ARHGAP32: variants seen among roughly 807,000 people sequenced by gnomAD.
The protein encoded by ARHGAP32 is Rho GTPase activating protein 32, also known as rho GTPase-activating protein 32.
In ARHGAP32, 51 loss-of-function variants were observed where a neutral mutation model predicts 186.5. That is an observed-to-expected ratio of 0.27 (90% CI 0.22 to 0.35). The LOEUF (loss-of-function observed/expected upper bound fraction) is 0.35, where lower values mean the gene tolerates loss of function less well. Among genes scored for constraint, ARHGAP32 ranks in the 10% least tolerant of loss-of-function variants. ARHGAP32 has a pLI of 1.00. For missense variants in ARHGAP32, 2,186 were observed against 2,623.5 expected (o/e 0.83, Z 3.64); for synonymous variants, 950 against 964.3 (o/e 0.99, Z 0.27).
intron 2 of ARHGAP32, among the ~76,000 whole-genome samples, chr11:129,133,125 G>A (rs184145072): frequency 2.4e-4 from 37 of 152,312 alleles, no homozygotes; most frequent in Middle Eastern, 3.4e-3. Flanking sequence ...GCCGGTGGAA[G>A]AGTAAGCAGG....
chr11:129,043,384 T>TTC (rs1939678347), intron 10 of ARHGAP32, among the ~76,000 whole-genome samples: 5 of 136,602 alleles, frequency 3.7e-5, no homozygotes, highest in African/African-American at 1.5e-4. Context: ...TTTTTTTCTT[T>TTC]TTTTTTTTTT....
At chr11:128,971,386 T>A (rs1945368673) in intron 22 of ARHGAP32, 2 of 482,496 alleles carry the variant, frequency 4.1e-6, no homozygotes, top group Non-Finnish European at 7.3e-6. Context: ...GTTTTCTAAT[T>A]TATGAGAGGT....
chr11:129,143,426 T>C (rs1056157434), intron 2 of ARHGAP32, among the ~76,000 whole-genome samples: 1 of 152,136 alleles, frequency 6.6e-6, no homozygotes, highest in Non-Finnish European at 1.5e-5. Context: ...TTCTGAGTAA[T>C]GTGATGAAAT....
At chr11:129,138,804 G>A (rs1942989800) in intron 2 of ARHGAP32, among the ~76,000 whole-genome samples, 1 of 152,058 alleles carries the variant, frequency 6.6e-6, no homozygotes, top group Non-Finnish European at 1.5e-5. Context: ...TTTTAACTAA[G>A]AAAACAAAAT....
Position 129,063,930 on chromosome 11 carries a change from G to A in ARHGAP32, c.857C>T (p.Ala286Val), listed in dbSNP as rs1300810620. ...GAAHVIKRYTARAPDELTLEV... is the reference protein window; with the variant it reads ...GAAHVIKRYTVRAPDELTLEV... The stretch of plus-strand genomic sequence containing the variant: ...TAAGGTCAGTTCGTCAGGGGCCCGA[G>A]CAGTGTACCTCTTGATAACATGGGC... Residue 286 changes from alanine (A) to valine (V), a missense_variant, in exon 9 of 23, where the codon GCT becomes GTT. By Grantham distance (64) the Ala-to-Val change is moderately conservative (BLOSUM62 0). Transcript: ENST00000682385. 2 of 1,611,882 alleles carry A rather than the reference G, an allele frequency of 1.2e-6. No homozygotes were observed. The highest frequency in any genetic ancestry group is 1.7e-6 in the Non-Finnish European group (2 of 1,179,082).
intron 1 of ARHGAP32, among the ~76,000 whole-genome samples, chr11:129,166,240 G>A (rs1320841274): frequency 2.6e-5 from 4 of 151,774 alleles, no homozygotes; most frequent in Admixed American, 6.6e-5. Flanking sequence ...ATAGTATAAA[G>A]GATGAGAGAC....
At chr11:128,973,955 T>C in intron 21 of ARHGAP32, 169 bp downstream of exon 21, 16 of 761,074 alleles carry the variant, frequency 2.1e-5, no homozygotes, top group Non-Finnish European at 3.1e-5. Context: ...GGGAGTTTTG[T>C]TGGACTGCTT....
intron 1 of ARHGAP32, among the ~76,000 whole-genome samples, chr11:129,252,135 T>TG (rs1477960386): frequency 6.6e-6 from 1 of 152,162 alleles, no homozygotes; most frequent in Non-Finnish European, 1.5e-5. Context: ...AACTTTAACT[T>TG]TACATCTACA....
chr11:129,185,614 AT>A (rs549522812), intron 1 of ARHGAP32, among the ~76,000 whole-genome samples: 189 of 152,314 alleles, frequency 1.2e-3, no homozygotes, highest in Admixed American at 2.6e-3. Context: ...TAATAAAAAA[AT>A]GACACAAATA....
chr11:129,174,009 C>T (rs943113928), intron 1 of ARHGAP32, among the ~76,000 whole-genome samples: 1 of 152,222 alleles, frequency 6.6e-6, no homozygotes, highest in South Asian at 2.1e-4. Context: ...CGGGTGATTT[C>T]TGCATTTCCA....
At chr11:129,046,985 G>A (rs1329414003) in intron 10 of ARHGAP32, among the ~76,000 whole-genome samples, 8 of 151,970 alleles carry the variant, frequency 5.3e-5, no homozygotes, top group South Asian at 2.1e-4. Flanking sequence ...AAAATTAGCC[G>A]GGCATGGTGG....
At chr11:129,276,030 T>G (rs943261657) in intron 1 of ARHGAP32, among the ~76,000 whole-genome samples, 1 of 152,246 alleles carries the variant, frequency 6.6e-6, no homozygotes, top group Non-Finnish European at 1.5e-5. Flanking sequence ...TAGTCCCAGC[T>G]GCTCAGGAGG....
At chr11:129,151,031 A>C (rs560046207) in intron 2 of ARHGAP32, among the ~76,000 whole-genome samples, 147 of 152,266 alleles carry the variant, frequency 9.7e-4, no homozygotes, top group African/African-American at 3.3e-3. Flanking sequence ...AGGGGTGGGA[A>C]AAGATATTCC....
chr11:129,087,949 G>A (rs528709403), intron 6 of ARHGAP32, among the ~76,000 whole-genome samples: 1 of 152,278 alleles, frequency 6.6e-6, no homozygotes, highest in African/African-American at 2.4e-5. Context: ...TTCCATCTAA[G>A]TAGTGTTACT....
chr11:129,045,128 G>T (rs1362285424), intron 10 of ARHGAP32, among the ~76,000 whole-genome samples: 2 of 152,192 alleles, frequency 1.3e-5, no homozygotes, highest in Admixed American at 1.3e-4. Context: ...TATCATAAGT[G>T]TAATATCACT....
intron 1 of ARHGAP32, among the ~76,000 whole-genome samples, chr11:129,252,856 T>C (rs995257108): frequency 6.6e-6 from 1 of 152,170 alleles, no homozygotes; most frequent in African/African-American, 2.4e-5. Flanking sequence ...GGCTAGCTCC[T>C]TTCTGGACTA....
intron 1 of ARHGAP32, among the ~76,000 whole-genome samples, chr11:129,239,116 C>G (rs1269204664): frequency 1.3e-5 from 2 of 152,174 alleles, no homozygotes; most frequent in African/African-American, 4.8e-5. Flanking sequence ...TACCAAAGTG[C>G]TGGGATTACA....
intron 11 of ARHGAP32, among the ~76,000 whole-genome samples, chr11:129,034,859 A>G (rs1171438200): frequency 6.6e-6 from 1 of 151,874 alleles, no homozygotes; most frequent in South Asian, 2.1e-4. Flanking sequence ...AGTAAAAAAA[A>G]AAAAAGAAAA....
rs537808170 is a variant in ARHGAP32, at chr11:129,221,479, CTGTGTGTGTGTGTGTGTGTGTG to C, written c.-4-57074_-4-57053del. Among the ~76,000 whole-genome samples, 744 of 121,270 alleles carry C rather than the reference CTGTGTGTGTGTGTGTGTGTGTG, an allele frequency of 6.1e-3. 11 individuals are homozygous for C. Among genetic ancestry groups the C allele is most frequent in the African/African-American group, 0.022 (691 of 30,728 alleles). 79.6% of individuals were successfully genotyped at this position (121,270 alleles called of 152,430 possible). ...GAAACAAGCTTTGTAATTGTCATTA[CTGTGTGTGTGTGTGTGTGTGTG>C]TGTGTGTGTGTGTGTGTGTGTGTGT... On this transcript the variant is annotated intron_variant, in intron 1 of 6. Coordinates refer to the ARHGAP32 transcript ENST00000525234.
Sources: allele counts gnomAD v4.1 joint callset (sites outside exome capture counted in the v4.1 genomes callset), GRCh38; gene constraint gnomAD v4.1.1; transcripts MANE v1.5; gene names NCBI Gene and HGNC (gene_info 2026-07-23, HGNC 2026-07-21).